RBM12B: variants seen among roughly 807,000 people sequenced by gnomAD.
The protein encoded by RBM12B is RNA-binding protein 12B.
In RBM12B, 10 loss-of-function variants were observed where a neutral mutation model predicts 34.3. The observed-to-expected ratio is 0.29, with a 90% confidence interval of 0.18 to 0.49. RBM12B has a LOEUF of 0.49. Ranked by LOEUF, RBM12B falls within the 20% of genes least tolerant of loss-of-function variation. RBM12B has a pLI of 0.99. For missense variants in RBM12B, 1,139 were observed against 1,262.7 expected, an observed-to-expected ratio of 0.90 and a Z score of 1.48; for synonymous variants, 477 against 437.1, an observed-to-expected ratio of 1.09 and a Z score of -1.14.
At chr8:93,738,272 C>T (rs1225640381) in intron 2 of RBM12B, among the ~76,000 whole-genome samples, 3 of 152,144 alleles carry the variant, frequency 2.0e-5, no homozygotes, top group Middle Eastern at 3.2e-3. Context: ...AACTATTCTG[C>T]ACTCTACTAA....
At position 93,734,827 on chromosome 8, in the gene RBM12B, T is replaced by G; in HGVS notation, c.1584A>C (p.Arg528Ser). ...GTTGCCTCAAGTCCTCTAGCTGATG[T>G]CTAAAGTTTTCAAAAGCACCAACTG... ...IYSVGAFENFRHQLEDLRQLD... is the reference protein window; with the variant it reads ...IYSVGAFENFSHQLEDLRQLD... Residue 528 changes from arginine (R) to serine (S), a missense_variant, in exon 4 of 4, where the codon AGA (arginine) becomes AGC (serine). This residue lies in a region of RBM12B where 863 missense variants were observed against 869.5 expected (regional missense o/e 0.99). Coordinates refer to ENST00000520560, the MANE Select transcript of RBM12B (RefSeq NM_001377960.1). The G allele has an allele frequency of 3.7e-6, 6 of 1,614,202 alleles. No individual in the cohort carries two copies. Among genetic ancestry groups the G allele is most frequent in the Non-Finnish European group, 5.1e-6 (6 of 1,180,030 alleles).
rs925820691 is a variant in RBM12B at position 93,732,567 on chromosome 8, T to C, written c.*838A>G. On this transcript the variant is annotated 3_prime_UTR_variant, in exon 4 of 4. Transcript: ENST00000520560. ...TCCCCTTGCACCTATAATTAGATTCTTATTTTACTATCTTTTGCGTATCTT... is the reference window on the plus strand; with the variant it reads ...TCCCCTTGCACCTATAATTAGATTCCTATTTTACTATCTTTTGCGTATCTT... 7 of 152,244 alleles carry C rather than the reference T, an allele frequency of 4.6e-5. No homozygotes were observed. The highest frequency in any genetic ancestry group is 8.8e-5 in the Non-Finnish European group (6 of 68,042). 9.4% of individuals were successfully genotyped at this position (152,244 alleles called of 1,614,324 possible).
rs1811853834 is a variant in RBM12B at position 93,733,275 on chromosome 8, T to C, written c.*130A>G. On this transcript the variant is annotated 3_prime_UTR_variant, in exon 4 of 4. Coordinates refer to ENST00000520560, the MANE Select transcript of RBM12B (RefSeq NM_001377960.1). ...AGATTCACATTCTACTATTTACATTTGTTCTATTCACAGGTCAAAAATAAA... is the reference window on the plus strand; with the variant it reads ...AGATTCACATTCTACTATTTACATTCGTTCTATTCACAGGTCAAAAATAAA... The C allele has an allele frequency of 3.3e-6, 2 of 605,512 alleles. No individual in the cohort carries two copies. The highest frequency in any genetic ancestry group is 2.5e-6 in the Non-Finnish European group (1 of 399,212). The allele number at this position is 605,512 out of a possible 1,614,324, so 37.5% of individuals were successfully genotyped here. A position where few individuals can be genotyped will look rare whatever the true frequency, so the allele number is the denominator to read the frequency against.
rs751598678 is a variant in RBM12B, at chr8:93,728,239, CAGA to C, written c.*5163_*5165del. The C allele has an allele frequency of 6.3e-6, 10 of 1,597,426 alleles. No individual in the cohort carries two copies. Among genetic ancestry groups the C allele is most frequent in the Admixed American group, 3.5e-5 (2 of 57,194 alleles). ...TGTCGACTAAGAAAGGATCAACAAG[CAGA>C]AGATGATGAGGATGACGAGTTAGAT... is the stretch of plus-strand genomic sequence containing the variant. On this transcript the variant is annotated 3_prime_UTR_variant, in exon 4 of 4. Coordinates refer to ENST00000520560, the MANE Select transcript of RBM12B (RefSeq NM_001377960.1).
Position 93,734,098 on chromosome 8 carries a change from G to T in RBM12B, c.2313C>A (p.Phe771Leu). Reference protein sequence around the residue: ...EHFRRPPPEHFRRPPPEHFRR... With the variant: ...EHFRRPPPEHLRRPPPEHFRR... Reference sequence around the variant, plus strand: ...GGAAGTGCTCCGGGGGCGGGCGCCTGAAATGCTCTGGGGGTGGCCGCCTGA... The same window carrying T: ...GGAAGTGCTCCGGGGGCGGGCGCCTTAAATGCTCTGGGGGTGGCCGCCTGA... The change falls in exon 4 of 4, where the codon TTC becomes TTA. Residue 771 changes from phenylalanine to leucine, a missense_variant. Around this residue, in one of 3 missense-constraint regions of RBM12B, gnomAD observed 863 missense variants for 869.5 expected, o/e 0.99. Transcript: ENST00000520560. 6.4e-7 allele frequency: 1 copy of T among 1,561,104 alleles called. No homozygotes were observed. The highest frequency in any genetic ancestry group is 8.6e-7 in the Non-Finnish European group (1 of 1,157,400).
rs1470860855 is a variant in RBM12B, at chr8:93,734,560, CTCCTCCCTAGGGTGCCTGAAGTCA to C, written c.1827_1850del (p.Asp609_Glu616del). 6.2e-7 allele frequency: 1 copy of C among 1,613,448 alleles called. No individual in the cohort carries two copies. Among genetic ancestry groups the C allele is most frequent in the Non-Finnish European group, 8.5e-7 (1 of 1,179,786 alleles). On this transcript the variant is annotated inframe_deletion, in exon 4 of 4. Transcript: ENST00000520560. Reference sequence around the variant, plus strand: ...CCTCCTCAAGGGGCCTCCTCCAGTCCTCCTCCCTAGGGTGCCTGAAGTCATCCTCCGGAGGGCGCCTGAAATCTT... The same window carrying C: ...CCTCCTCAAGGGGCCTCCTCCAGTCCTCCTCCGGAGGGCGCCTGAAATCTT...
chr8:93,733,405 C>A lies in RBM12B; in HGVS notation c.3006G>T (p.Ter1002TyrextTer29), dbSNP rs749003712. The A allele has an allele frequency of 1.3e-6, 2 of 1,530,704 alleles. No individual in the cohort carries two copies. The highest frequency in any genetic ancestry group is 2.8e-5 in the African/African-American group (2 of 71,992). The allele number at this position is 1,530,704 out of a possible 1,614,324, so 94.8% of individuals were successfully genotyped here. ...GPRKVKLTLL[*>Y] Reference sequence around the variant, plus strand: ...AACTGAATTTAGAAATGCTCTCTCTCTACAGCAAAGTTAACTTAACTTTTC... The same window carrying A: ...AACTGAATTTAGAAATGCTCTCTCTATACAGCAAAGTTAACTTAACTTTTC... The change falls in exon 4 of 4, where the codon TAG becomes TAT. Residue 1002 changes from the stop codon to tyrosine, a stop_lost. Transcript: ENST00000520560.
In RBM12B at chr8:93,728,994, T is replaced by C. The variant is rs569235767; in HGVS notation, c.*4411A>G. 57 of 152,228 alleles carry C rather than the reference T, an allele frequency of 3.7e-4. No individual in the cohort carries two copies. The highest frequency in any genetic ancestry group is 6.8e-3 in the Middle Eastern group (2 of 294). 9.4% of individuals were successfully genotyped at this position (152,228 alleles called of 1,614,324 possible). A position where few individuals can be genotyped will look rare whatever the true frequency, so the allele number is the denominator to read the frequency against. ...AATGTTGCCTCATCATAGAACACCA[T>C]AGATCATTAAAAATTCTATAAAAAT... On this transcript the variant is annotated 3_prime_UTR_variant, in exon 4 of 4. Transcript: ENST00000520560.
rs1484128154 is a variant in RBM12B at position 93,735,183 on chromosome 8, C to G, written c.1228G>C (p.Asp410His). The change falls in exon 4 of 4, where the codon GAT (aspartate) becomes CAT (histidine). Residue 410 changes from aspartate (D) to histidine (H), a missense_variant. Physicochemically the swap from Asp to His is moderately conservative, Grantham distance 81. This residue lies in a region of RBM12B where 863 missense variants were observed against 869.5 expected (regional missense o/e 0.99). Transcript: ENST00000520560. ...LCIYIRNFPFDVTKVEVQKFF... is the reference protein window; with the variant it reads ...LCIYIRNFPFHVTKVEVQKFF... ...TTCTGCACTTCAACTTTTGTAACATCAAATGGAAAATTTCTTATATAGATG... is the reference window on the plus strand; with the variant it reads ...TTCTGCACTTCAACTTTTGTAACATGAAATGGAAAATTTCTTATATAGATG... 6.2e-7 allele frequency: 1 copy of G among 1,613,984 alleles called. No individual in the cohort carries two copies. Among genetic ancestry groups the G allele is most frequent in the Non-Finnish European group, 8.5e-7 (1 of 1,180,050 alleles).
At position 93,731,108 on chromosome 8, in the gene RBM12B, C is replaced by T. The variant is rs576245019; in HGVS notation, c.*2297G>A. 9 of 152,280 alleles carry T rather than the reference C, an allele frequency of 5.9e-5. No individual in the cohort carries two copies. Among genetic ancestry groups the T allele is most frequent in the African/African-American group, 2.2e-4 (9 of 41,538 alleles). 9.4% of individuals were successfully genotyped at this position (152,280 alleles called of 1,614,324 possible). A position where few individuals can be genotyped will look rare whatever the true frequency, so the allele number is the denominator to read the frequency against. ...CCAGGAGTTAGAAGCTGCAGTGAAC[C>T]ATTATCAGACCACTGCACTCCAGCC... On this transcript the variant is annotated 3_prime_UTR_variant, in exon 4 of 4. Coordinates refer to ENST00000520560, the MANE Select transcript of RBM12B (RefSeq NM_001377960.1).
Position 93,736,389 on chromosome 8 carries a change from G to C in RBM12B, c.22C>G (p.Leu8Val). The C allele has an allele frequency of 6.3e-7, 1 of 1,594,872 alleles. No homozygotes were observed. Residue 8 changes from leucine to valine, a missense_variant, in exon 4 of 4, where the codon CTG becomes GTG. Coordinates refer to ENST00000520560, the MANE Select transcript of RBM12B (RefSeq NM_001377960.1). MAVVIRLLGLPFIAGPVD... is the reference protein window; with the variant it reads MAVVIRLVGLPFIAGPVD... The stretch of plus-strand genomic sequence containing the variant: ...GGCCCCGCAATAAAAGGAAGCCCCA[G>C]TAAACGGATGACTACAGCCATGCTG...
Position 93,735,294 on chromosome 8 carries a change from T to C in RBM12B, c.1117A>G (p.Lys373Glu). 2 of 1,614,052 alleles carry C rather than the reference T, an allele frequency of 1.2e-6. No homozygotes were observed. The highest frequency in any genetic ancestry group is 2.2e-5 in the South Asian group (2 of 91,080). ...MLKFIARYEKKRSGSLERDRP... is the reference protein window; with the variant it reads ...MLKFIARYEKERSGSLERDRP... ...TCTCTCTCTAGTGACCCTGATCTCTTCTTTTCATAACGTGCAATGAACTTC... is the reference window on the plus strand; with the variant it reads ...TCTCTCTCTAGTGACCCTGATCTCTCCTTTTCATAACGTGCAATGAACTTC... Residue 373 changes from lysine (K) to glutamate (E), a missense_variant, in exon 4 of 4, where the codon AAG becomes GAG. By Grantham distance (56) the Lys-to-Glu change is moderately conservative (BLOSUM62 1). Transcript: ENST00000520560.
rs759944744 is a variant in RBM12B, at chr8:93,728,218, G to A, written c.*5187C>T. The A allele has an allele frequency of 3.8e-6, 6 of 1,578,586 alleles. No homozygotes were observed. Among genetic ancestry groups the A allele is most frequent in the African/African-American group, 1.4e-5 (1 of 72,628 alleles). On this transcript the variant is annotated 3_prime_UTR_variant, in exon 4 of 4. Transcript: ENST00000520560. The stretch of plus-strand genomic sequence containing the variant: ...AACTTTTAACAGGTATCCACTTGTC[G>A]ACTAAGAAAGGATCAACAAGCAGAA...
chr8:93,728,237 A>G lies in RBM12B; in HGVS notation c.*5168T>C. ...CTTGTCGACTAAGAAAGGATCAACAAGCAGAAGATGATGAGGATGACGAGT... is the reference window on the plus strand; with the variant it reads ...CTTGTCGACTAAGAAAGGATCAACAGGCAGAAGATGATGAGGATGACGAGT... On this transcript the variant is annotated 3_prime_UTR_variant, in exon 4 of 4. Transcript: ENST00000520560. The G allele has an allele frequency of 6.3e-7, 1 of 1,599,238 alleles. No individual in the cohort carries two copies. Among genetic ancestry groups the G allele is most frequent in the Non-Finnish European group, 8.5e-7 (1 of 1,175,824 alleles).
intron 2 of RBM12B, among the ~76,000 whole-genome samples, chr8:93,738,515 G>A (rs1400361377): frequency 6.6e-6 from 1 of 152,192 alleles, no homozygotes; most frequent in East Asian, 1.9e-4. Context: ...AGGCTGGAGT[G>A]CACTGGTGCG....
At position 93,735,677 on chromosome 8, in the gene RBM12B, T is replaced by G; in HGVS notation, c.734A>C (p.Asp245Ala). ...EFGGNAVKEG[D>A]VLRRSEEHSP... Reference sequence around the variant, plus strand: ...ATGTTCTTCAGATCTCCTAAGAACGTCACCCTCCTTAACTGCATTACCACC... The same window carrying G: ...ATGTTCTTCAGATCTCCTAAGAACGGCACCCTCCTTAACTGCATTACCACC... The change falls in exon 4 of 4, where the codon GAC (aspartate) becomes GCC (alanine). Residue 245 changes from aspartate (D) to alanine (A), a missense_variant. By Grantham distance (126) the Asp-to-Ala change is moderately radical. Coordinates refer to ENST00000520560, the MANE Select transcript of RBM12B (RefSeq NM_001377960.1). 2 of 1,614,118 alleles carry G rather than the reference T, an allele frequency of 1.2e-6. No individual in the cohort carries two copies. Among genetic ancestry groups the G allele is most frequent in the Non-Finnish European group, 1.7e-6 (2 of 1,179,996 alleles).
Position 93,734,695 on chromosome 8 carries a change from G to T in RBM12B, c.1716C>A (p.Phe572Leu). 2 of 1,614,014 alleles carry T rather than the reference G, an allele frequency of 1.2e-6. No homozygotes were observed. The highest frequency in any genetic ancestry group is 1.1e-5 in the South Asian group (1 of 91,054). Residue 572 changes from phenylalanine (F) to leucine (L), a missense_variant, in exon 4 of 4, where the codon TTC becomes TTA. This residue lies in a region of RBM12B where 863 missense variants were observed against 869.5 expected (regional missense o/e 0.99). Coordinates refer to ENST00000520560, the MANE Select transcript of RBM12B (RefSeq NM_001377960.1). ...SEDFRFPPED[F>L]RHSPEDFRRP... is the part of the protein sequence containing the mutation. Reference sequence around the variant, plus strand: ...GCCTGAAGTCCTCTGGGGAGTGCCTGAAGTCCTCCGGGGGGAACCTAAAGT... The same window carrying T: ...GCCTGAAGTCCTCTGGGGAGTGCCTTAAGTCCTCCGGGGGGAACCTAAAGT...
In RBM12B at chr8:93,731,832, T is replaced by C. The variant is rs1811802610; in HGVS notation, c.*1573A>G. ...ATAATTTTGAAATATAAGCCAGTAA[T>C]ATACCATATGAGTATCCCAAGAGAA... On this transcript the variant is annotated 3_prime_UTR_variant, in exon 4 of 4. Transcript: ENST00000520560. 6.6e-6 allele frequency: 1 copy of C among 152,526 alleles called. No homozygotes were observed. The highest frequency in any genetic ancestry group is 2.1e-4 in the South Asian group (1 of 4,830). 9.4% of individuals were successfully genotyped at this position (152,526 alleles called of 1,614,324 possible).
At chr8:93,737,006 G>C (rs981919249) in intron 3 of RBM12B, among the ~76,000 whole-genome samples, 5 of 152,150 alleles carry the variant, frequency 3.3e-5, no homozygotes, top group Admixed American at 1.3e-4. Flanking sequence ...AGGAGTTCAA[G>C]ACCAGCCTTG....
Sources: gnomAD v4.1 joint callset for allele counts (sites outside exome capture counted in the v4.1 genomes callset) on GRCh38, gnomAD v4.1.1 for gene constraint, gnomAD v4.1.1 regional missense constraint, MANE v1.5 for transcripts, NCBI Gene and HGNC (gene_info 2026-07-23, HGNC 2026-07-21) for gene names.